Variants in APPL1 observed in about 807,000 individuals in gnomAD.
The protein encoded by APPL1 is adaptor protein, phosphotyrosine interacting with PH domain and leucine zipper 1.
Under a neutral mutation model 106.8 loss-of-function variants are expected in APPL1, and 42 were observed. That is an observed-to-expected ratio of 0.39 (90% confidence interval 0.31 to 0.51). The LOEUF is 0.51. Among genes scored for constraint, APPL1 ranks in the 20% least tolerant of loss-of-function variants. APPL1 has a pLI of 0.75. For synonymous variants in APPL1, 263 were observed against 281.8 expected (o/e 0.93, Z 0.67); for missense variants, 769 against 858.2 (o/e 0.90, Z 1.30).
At chr3:57,230,844 T>A (rs6789847) in intron 1 of APPL1, 12,066 of 413,462 alleles carry the variant, frequency 0.029, 1,382 homozygotes, top group African/African-American at 0.24. Context: ...GCCATAGCTC[T>A]GAAACCTCAA....
At chr3:57,234,451 C>A (rs1196022825) in intron 1 of APPL1, among the ~76,000 whole-genome samples, 4 of 151,394 alleles carry the variant, frequency 2.6e-5, no homozygotes, top group Non-Finnish European at 4.4e-5. Context: ...GGGCCCGCCA[C>A]CATGCCTGGA....
At position 57,238,095 on chromosome 3, in the gene APPL1, G is replaced by C. The variant is rs1265958322; in HGVS notation, c.264G>C (p.Gln88His). The C allele has an allele frequency of 1.9e-6, 3 of 1,610,342 alleles. No homozygotes were observed. Among genetic ancestry groups the C allele is most frequent in the Admixed American group, 1.7e-5 (1 of 59,568 alleles). The change falls in exon 4 of 22, where the codon CAG becomes CAC. Residue 88 changes from glutamine (Q) to histidine (H), a missense_variant. Gln to His is a conservative substitution (Grantham distance 24). Coordinates refer to ENST00000288266, the MANE Select transcript of APPL1 (RefSeq NM_012096.3). ...DDEVMSSTLQ[Q>H]FSKVIDELSS... ...AAGTTATGAGCTCTACATTGCAACA[G>C]TTTTCAAAAGTTATAGATGAGGTAA...
intron 21 of APPL1, 160 bp from the exon 22 acceptor site, chr3:57,269,378 GTGT>G (rs2060919005): frequency 1.7e-6 from 1 of 581,252 alleles, no homozygotes; most frequent in Non-Finnish European, 2.8e-6. Context: ...ATTCATTTTG[GTGT>G]TGTATTGTTT....
intron 19 of APPL1, among the ~76,000 whole-genome samples, chr3:57,265,210 A>G (rs1036831751): frequency 5.9e-5 from 9 of 152,008 alleles, no homozygotes; most frequent in Non-Finnish European, 1.2e-4. Context: ...GTGCAGTTGC[A>G]TAATCTCGGC....
Position 57,260,750 on chromosome 3 carries a change from T to G in APPL1, c.1818T>G (p.Phe606Leu). The change falls in exon 19 of 22, where the codon TTT becomes TTG. Residue 606 changes from phenylalanine (F) to leucine (L), a missense_variant. Coordinates refer to ENST00000288266, the MANE Select transcript of APPL1 (RefSeq NM_012096.3). Reference protein sequence around the residue: ...ESNLSSVCYIFESNNEGEKIC... With the variant: ...ESNLSSVCYILESNNEGEKIC... ...ATCTGTCATCAGTCTGCTATATATT[T>G]GAGTCAAACAATGAGGGGGAAAAGG... 1 of 1,609,412 alleles carries G rather than the reference T, an allele frequency of 6.2e-7. No individual in the cohort carries two copies. Among genetic ancestry groups the G allele is most frequent in the Non-Finnish European group, 8.5e-7 (1 of 1,177,144 alleles).
chr3:57,269,434 A>G, intron 21 of APPL1, 107 bp from the exon 22 acceptor site: 2 of 1,127,820 alleles, frequency 1.8e-6, no homozygotes, highest in Non-Finnish European at 2.5e-6. Flanking sequence ...AAGTATGCAT[A>G]CATATTTATG....
chr3:57,259,971 T>G lies in APPL1; in HGVS notation c.1610T>G (p.Ile537Ser). Residue 537 changes from isoleucine to serine, a missense_variant, in exon 17 of 22, where the codon ATC (isoleucine) becomes AGC (serine). Ile to Ser is a moderately radical substitution (Grantham distance 142, BLOSUM62 -2). Transcript: ENST00000288266. The stretch of plus-strand genomic sequence containing the variant: ...TTAGCTGCCCGGGCCATCCATAACA[T>G]CTTTCGTATGACAGAATCGCATTTA... ...QILAARAIHN[I>S]FRMTESHLLV... The G allele has an allele frequency of 1.2e-6, 2 of 1,614,036 alleles. No individual in the cohort carries two copies. Among genetic ancestry groups the G allele is most frequent in the Non-Finnish European group, 1.7e-6 (2 of 1,179,986 alleles).
At chr3:57,236,226 T>C (rs933237737) in intron 2 of APPL1, among the ~76,000 whole-genome samples, 3 of 151,870 alleles carry the variant, frequency 2.0e-5, no homozygotes, top group Non-Finnish European at 4.4e-5. Context: ...GTATTTTTAG[T>C]AGAGACAGGG....
chr3:57,230,828 G>A (rs919520665), intron 1 of APPL1: 3 of 434,722 alleles, frequency 6.9e-6, no homozygotes, highest in Non-Finnish European at 9.2e-6. Context: ...GGATTGCAGT[G>A]GCACAGCCAT....
chr3:57,270,844 T>C lies in APPL1; in HGVS notation c.*1157T>C, dbSNP rs2060932728. ...AATTTTGTGAAAGATTGAAAATGAA[T>C]TGAATGCCTAGTAGAGTATAGGAGA... is the stretch of plus-strand genomic sequence containing the variant. On this transcript the variant is annotated 3_prime_UTR_variant, in exon 22 of 22. Transcript: ENST00000288266. 1 of 152,174 alleles carries C rather than the reference T, an allele frequency of 6.6e-6. No individual in the cohort carries two copies. The highest frequency in any genetic ancestry group is 1.5e-5 in the Non-Finnish European group (1 of 68,014). 9.4% of individuals were successfully genotyped at this position (152,174 alleles called of 1,614,324 possible).
rs573947766 is a variant in APPL1, at chr3:57,227,744, G to C, written c.-140G>C. 211 of 663,766 alleles carry C rather than the reference G, an allele frequency of 3.2e-4. 1 individual carries two copies. The African/African-American group carries it at 3.8e-3, about 12-fold the overall frequency. The allele number at this position is 663,766 out of a possible 1,614,324, so 41.1% of individuals were successfully genotyped here. ...GGGATTTCCCGCACGGCCGCTCGGC[G>C]CCTGGAGAAGGCTGTGCGGGCGGGG... is the stretch of plus-strand genomic sequence containing the variant. On this transcript the variant is annotated 5_prime_UTR_variant, in exon 1 of 22. Transcript: ENST00000288266.
At chr3:57,232,691 G>C (rs1055931717) in intron 1 of APPL1, among the ~76,000 whole-genome samples, 1 of 152,114 alleles carries the variant, frequency 6.6e-6, no homozygotes, top group African/African-American at 2.4e-5. Context: ...CATGCATATT[G>C]ATGACTCTCG....
chr3:57,231,733 A>G (rs1190939130), intron 1 of APPL1, among the ~76,000 whole-genome samples: 1 of 151,402 alleles, frequency 6.6e-6, no homozygotes, highest in African/African-American at 2.4e-5. Flanking sequence ...GATTGAGTCC[A>G]GGAGTCTGTG....
intron 10 of APPL1, 73 bp from the exon 11 acceptor site, chr3:57,249,287 T>G: frequency 6.6e-7 from 1 of 1,524,488 alleles, no homozygotes; most frequent in Admixed American, 1.7e-5. Context: ...TAACATGCTT[T>G]ATCTTGTGTC....
intron 13 of APPL1, among the ~76,000 whole-genome samples, chr3:57,256,382 T>G (rs1377858972): frequency 6.6e-6 from 1 of 152,244 alleles, no homozygotes; most frequent in East Asian, 1.9e-4. Flanking sequence ...GTATTTCTTA[T>G]GGAAAGCTTT....
At chr3:57,235,072 G>A (rs1047313795) in intron 1 of APPL1, among the ~76,000 whole-genome samples, 5 of 152,152 alleles carry the variant, frequency 3.3e-5, no homozygotes, top group Non-Finnish European at 7.3e-5. Flanking sequence ...TGTGCATTCG[G>A]AAAAACCTAG....
chr3:57,253,099 G>GCT (rs1340171962), intron 12 of APPL1, among the ~76,000 whole-genome samples: 1 of 152,152 alleles, frequency 6.6e-6, no homozygotes, highest in Non-Finnish European at 1.5e-5. Context: ...GATTAGTGAG[G>GCT]CTCTTTGGGC....
Position 57,227,934 on chromosome 3 carries a change from G to T in APPL1, c.51G>T (p.Pro17=). ...TCGAGGAGACGCTGGAGGACAGCCC[G>T]CAGGTGAGGCGCGGGAGCTGGTGGG... ...LPIEETLEDS[P]QTRSLLGVFE... The change falls in exon 1 of 22, where the codon CCG becomes CCT. Residue 17 remains proline, a synonymous_variant. Coordinates refer to ENST00000288266, the MANE Select transcript of APPL1 (RefSeq NM_012096.3). The T allele has an allele frequency of 6.9e-7, 1 of 1,444,644 alleles. No homozygotes were observed. The highest frequency in any genetic ancestry group is 3.0e-5 in the East Asian group (1 of 32,948). The allele number at this position is 1,444,644 out of a possible 1,614,324, so 89.5% of individuals were successfully genotyped here.
At position 57,257,239 on chromosome 3, in the gene APPL1, T is replaced by C. The variant is rs367840499; in HGVS notation, c.1248-7T>C. ...TTAAATGCAATGCCTTCTTGTTTTA[T>C]GCTTAGACAATCTCGGCCACCGACA... On this transcript the variant is annotated splice_polypyrimidine_tract_variant and splice_region_variant and intron_variant, in intron 14 of 21. Coordinates refer to ENST00000288266, the MANE Select transcript of APPL1 (RefSeq NM_012096.3). The C allele has an allele frequency of 2.5e-6, 4 of 1,606,938 alleles. No individual in the cohort carries two copies. The highest frequency in any genetic ancestry group is 8.5e-7 in the Non-Finnish European group (1 of 1,177,462).
Sources: gnomAD v4.1 joint callset for allele counts (sites outside exome capture counted in the v4.1 genomes callset) on GRCh38, gnomAD v4.1.1 for gene constraint, MANE v1.5 for transcripts, NCBI Gene and HGNC (gene_info 2026-07-23, HGNC 2026-07-21) for gene names.